Variants in SLC2A13 observed in about 807,000 individuals in gnomAD.
SLC2A13 encodes the protein solute carrier family 2 member 13.
Under a neutral mutation model 64.4 loss-of-function variants are expected in SLC2A13, and 32 were observed. The ratio of observed to expected loss-of-function variants is 0.50; its 90% confidence interval spans 0.37 to 0.67. The LOEUF (loss-of-function observed/expected upper bound fraction) is 0.67, where lower values mean the gene tolerates loss of function less well. Ranked by LOEUF, SLC2A13 falls within the 30% of genes least tolerant of loss-of-function variation. The probability of loss-of-function intolerance (pLI) is 0.00; values close to 1 mark genes in which losing one functional copy is unlikely to be tolerated. For synonymous variants in SLC2A13, 338 were observed against 327.1 expected (o/e 1.03, Z -0.36); for missense variants, 743 against 829.2 (o/e 0.90, Z 1.28).
intron 1 of SLC2A13, among the ~76,000 whole-genome samples, chr12:40,102,555 A>G (rs1204593468): frequency 6.6e-6 from 1 of 152,222 alleles, no homozygotes; most frequent in Non-Finnish European, 1.5e-5. Context: ...ATTTTACCAC[A>G]GGTAAACGTG....
At chr12:39,875,198 T>G (rs1303458051) in intron 4 of SLC2A13, among the ~76,000 whole-genome samples, 2 of 152,184 alleles carry the variant, frequency 1.3e-5, no homozygotes, top group Non-Finnish European at 2.9e-5. Context: ...AAATCACAGG[T>G]GTCAGTAGAG....
rs1321835873 is a variant in SLC2A13 at position 39,968,806 on chromosome 12, A to C, written c.926-17441T>G. On this transcript the variant is annotated intron_variant, in intron 3 of 9. Transcript: ENST00000280871. ...TATATATATATATATATATATATAT[A>C]TCTACATTATAATTTAAGTTCTAGG... Among the ~76,000 whole-genome samples the C allele has an allele frequency of 2.4e-3, 254 of 105,574 alleles. 3 individuals carry two copies. The highest frequency in any genetic ancestry group is 6.9e-3 in the African/African-American group (196 of 28,568). 69.3% of individuals were successfully genotyped at this position (105,574 alleles called of 152,430 possible).
intron 4 of SLC2A13, among the ~76,000 whole-genome samples, chr12:39,894,798 A>C (rs1944698419): frequency 6.6e-6 from 1 of 152,194 alleles, no homozygotes; most frequent in South Asian, 2.1e-4. Context: ...TTAGGGAATA[A>C]AGCAGGGAGA....
intron 1 of SLC2A13, among the ~76,000 whole-genome samples, chr12:40,088,680 AC>A (rs1328102347): frequency 6.6e-6 from 1 of 152,158 alleles, no homozygotes; most frequent in Non-Finnish European, 1.5e-5. Flanking sequence ...CTTTTTATTC[AC>A]ACTTTACTTA....
chr12:39,910,428 T>C (rs1425807171), intron 4 of SLC2A13, among the ~76,000 whole-genome samples: 1 of 152,140 alleles, frequency 6.6e-6, no homozygotes, highest in Admixed American at 6.5e-5. Flanking sequence ...AAGCTGCCTA[T>C]GTGTTATAGG....
At chr12:39,957,826 G>A (rs1946342959) in intron 3 of SLC2A13, among the ~76,000 whole-genome samples, 1 of 151,996 alleles carries the variant, frequency 6.6e-6, no homozygotes, top group Non-Finnish European at 1.5e-5. Flanking sequence ...TACCTGAAGC[G>A]CTTCCCATGA....
chr12:40,028,487 C>A lies in SLC2A13; in HGVS notation c.739G>T (p.Val247Phe). The part of the protein sequence containing the change: ...GWRYMLGLAA[V>F]PAVIQFFGFL... The stretch of plus-strand genomic sequence containing the variant: ...CCAAAAAACTGTATAACCGCCGGAA[C>A]TGCTGCAAGTCCCAACATGTACCTG... The change falls in exon 3 of 10, where the codon GTT becomes TTT. Residue 247 changes from valine to phenylalanine, a missense_variant. By Grantham distance (50) the Val-to-Phe change is conservative. Transcript: ENST00000280871. 2 of 1,614,028 alleles carry A rather than the reference C, an allele frequency of 1.2e-6. No homozygotes were observed. The highest frequency in any genetic ancestry group is 8.5e-7 in the Non-Finnish European group (1 of 1,179,952).
intron 6 of SLC2A13, among the ~76,000 whole-genome samples, chr12:39,855,087 C>T (rs1400004630): frequency 6.6e-6 from 1 of 152,174 alleles, no homozygotes; most frequent in Admixed American, 6.5e-5. Context: ...ATTTTCATAT[C>T]CCATTAAGGT....
chr12:40,035,103 A>C (rs959353124), intron 2 of SLC2A13, among the ~76,000 whole-genome samples: 1 of 152,216 alleles, frequency 6.6e-6, no homozygotes, highest in African/African-American at 2.4e-5. Context: ...AGAGCTATCC[A>C]ACTACATTGT....
At chr12:39,915,715 CAAGCTGG>C (rs1292962515) in intron 4 of SLC2A13, among the ~76,000 whole-genome samples, 1 of 151,616 alleles carries the variant, frequency 6.6e-6, no homozygotes, top group East Asian at 1.9e-4. Flanking sequence ...ATATCAAGAC[CAAGCTGG>C]TTCATCAAAG....
intron 3 of SLC2A13, among the ~76,000 whole-genome samples, chr12:39,979,122 A>G (rs1210742585): frequency 6.6e-6 from 1 of 151,610 alleles, no homozygotes. Flanking sequence ...CCTGTCTGTT[A>G]GAAGGGAAAC....
intron 3 of SLC2A13, among the ~76,000 whole-genome samples, chr12:39,989,875 A>T (rs1166562474): frequency 6.6e-6 from 1 of 152,218 alleles, no homozygotes; most frequent in Non-Finnish European, 1.5e-5. Context: ...TACAGATGAG[A>T]AATTACTGTA....
intron 7 of SLC2A13, 38 bp downstream of exon 7, chr12:39,830,065 T>C: frequency 6.2e-7 from 1 of 1,612,144 alleles, no homozygotes. Context: ...CGTTTTGAAA[T>C]ATTATTATAT....
chr12:39,968,216 G>A (rs999908814), intron 3 of SLC2A13, among the ~76,000 whole-genome samples: 1 of 152,148 alleles, frequency 6.6e-6, no homozygotes, highest in African/African-American at 2.4e-5. Flanking sequence ...TTCTTAACAT[G>A]GTGGCAGCAA....
At chr12:39,974,596 C>A (rs527280073) in intron 3 of SLC2A13, among the ~76,000 whole-genome samples, 1 of 152,182 alleles carries the variant, frequency 6.6e-6, no homozygotes. Context: ...CCTGTAGTAT[C>A]TTCTACCACT....
chr12:40,101,182 TA>T (rs894388423), intron 1 of SLC2A13, among the ~76,000 whole-genome samples: 21 of 137,550 alleles, frequency 1.5e-4, no homozygotes, highest in African/African-American at 3.2e-4. Context: ...GGTGAACCAA[TA>T]AAAAAAAAAG....
chr12:39,921,795 A>G (rs1945619054), intron 4 of SLC2A13, among the ~76,000 whole-genome samples: 1 of 152,152 alleles, frequency 6.6e-6, no homozygotes, highest in Admixed American at 6.5e-5. Flanking sequence ...TATAGTTTAG[A>G]ATGTAATGTG....
chr12:40,101,032 C>T (rs1028285575), intron 1 of SLC2A13, among the ~76,000 whole-genome samples: 2 of 141,800 alleles, frequency 1.4e-5, no homozygotes, highest in Admixed American at 7.0e-5. Context: ...GGATGGAAAA[C>T]GTATGTCCTA....
chr12:40,072,313 T>A (rs1234809802), intron 1 of SLC2A13, among the ~76,000 whole-genome samples: 1 of 152,164 alleles, frequency 6.6e-6, no homozygotes, highest in African/African-American at 2.4e-5. Context: ...CAGTTCAGAA[T>A]GTGTTCTACG....
Sources: allele counts gnomAD v4.1 joint callset (sites outside exome capture counted in the v4.1 genomes callset), GRCh38; gene constraint gnomAD v4.1.1; transcripts MANE v1.5; gene names NCBI Gene and HGNC (gene_info 2026-07-23, HGNC 2026-07-21).